VWA5B2: variants seen among roughly 807,000 people sequenced by gnomAD.
VWA5B2 encodes von Willebrand factor A domain containing 5B2.
Under a neutral mutation model 118.5 loss-of-function variants are expected in VWA5B2, and 93 were observed. The ratio of observed to expected loss-of-function variants is 0.79; its 90% CI spans 0.66 to 0.93. The LOEUF is 0.93. Among genes scored for constraint, VWA5B2 ranks in the 40% least tolerant of loss-of-function variants. VWA5B2 has a pLI of 0.00. For missense variants in VWA5B2, 1,546 were observed against 1,672.8 expected (o/e 0.92, Z 1.32); for synonymous variants, 708 against 716.3 (o/e 0.99, Z 0.19).
rs777592974 is a variant in VWA5B2 at position 184,241,406 on chromosome 3, TGAGGACTCGG to T, written c.3180+7_3180+16del. The T allele has an allele frequency of 5.1e-6, 8 of 1,580,298 alleles. No individual in the cohort carries two copies. ...AGCGACCATGACTACCTGCCCTTGG[TGAGGACTCGG>T]GAGGTGGAGGGTGGTGCCGCCGGGG... On this transcript the variant is annotated splice_donor_5th_base_variant and intron_variant, in intron 19 of 19. Transcript: ENST00000691901. The surrounding 1 kb of genome is among the most constrained non-coding windows in gnomAD (Gnocchi z 5.1).
chr3:184,236,801 G>C, intron 11 of VWA5B2, 52 bp downstream of exon 11: 1 of 1,408,568 alleles, frequency 7.1e-7, no homozygotes, highest in Non-Finnish European at 9.5e-7. Flanking sequence ...TTTCTCCCAA[G>C]TTACACATCA....
At chr3:184,232,884 T>C in intron 3 of VWA5B2, 1 of 481,888 alleles carries the variant, frequency 2.1e-6, no homozygotes, top group Non-Finnish European at 3.7e-6. Flanking sequence ...GCAGAGGGTG[T>C]GGGTATTCCC....
At position 184,237,461 on chromosome 3, in the gene VWA5B2, C is replaced by A; in HGVS notation, c.1719+50C>A. 1 of 1,502,620 alleles carries A rather than the reference C, an allele frequency of 6.7e-7. No individual in the cohort carries two copies. The highest frequency in any genetic ancestry group is 1.3e-5 in the South Asian group (1 of 79,784). The allele number at this position is 1,502,620 out of a possible 1,614,324, so 93.1% of individuals were successfully genotyped here. A position where few individuals can be genotyped will look rare whatever the true frequency, so the allele number is the denominator to read the frequency against. ...GGGGGGCTAGGGTGAGGTAGGGGGG[C>A]CTGGGATGGCTGAAGTCCCCGCATC... On this transcript the variant is annotated intron_variant, in intron 12 of 19. Coordinates refer to ENST00000691901, the MANE Select transcript of VWA5B2 (RefSeq NM_001390846.1). This position sits in a 1 kb window ranked among gnomAD's most constrained non-coding sequence, Gnocchi z 5.6.
Position 184,234,378 on chromosome 3 carries a change from G to GA in VWA5B2, c.802dup (p.Ile268AsnfsTer7). 3 of 1,551,802 alleles carry GA rather than the reference G, an allele frequency of 1.9e-6. No homozygotes were observed. The highest frequency in any genetic ancestry group is 2.6e-6 in the Non-Finnish European group (3 of 1,147,032). On this transcript the variant is annotated frameshift_variant, in exon 6 of 20. Transcript: ENST00000691901. LOFTEE classifies it high-confidence loss of function. ...GCCACCACTGTGACCGGGCCTTGGA[G>GA]ATCCTGCTGCACCCCAGTGGTGAGA...
Position 184,241,224 on chromosome 3 carries a change from G to T in VWA5B2, c.3000G>T (p.Ser1000=). The T allele has an allele frequency of 6.4e-7, 1 of 1,550,744 alleles. No homozygotes were observed. Among genetic ancestry groups the T allele is most frequent in the Non-Finnish European group, 8.7e-7 (1 of 1,146,594 alleles). Residue 1000 remains serine, a synonymous_variant, in exon 19 of 20, where the codon TCG becomes TCT. Coordinates refer to ENST00000691901, the MANE Select transcript of VWA5B2 (RefSeq NM_001390846.1). The surrounding 1 kb of genome is among the most constrained non-coding windows in gnomAD (Gnocchi z 5.1). ...GCTCTCCAGCAGGCGCCTGGGACTC[G>T]GACCAAAATGGCAACTCCAAGCGTG... is the stretch of plus-strand genomic sequence containing the variant. ...QRGSPAGAWD[S]DQNGNSKRAL...
rs2060969206 is a variant in VWA5B2 at position 184,229,691 on chromosome 3, A to G, written c.-172A>G. On this transcript the variant is annotated 5_prime_UTR_variant, in exon 1 of 20. Coordinates refer to ENST00000691901, the MANE Select transcript of VWA5B2 (RefSeq NM_001390846.1). ...ACCCACACGGATCCCGTGGGCACCT[A>G]GAACTCCGCGGAGGGCGCGACGGTG... is the stretch of plus-strand genomic sequence containing the variant. Among the ~76,000 whole-genome samples, 1 of 152,102 alleles carries G rather than the reference A, an allele frequency of 6.6e-6. No individual in the cohort carries two copies.
In VWA5B2 at chr3:184,230,494, C is replaced by T. The variant is rs1717267102; in HGVS notation, c.-35C>T. 7.0e-7 allele frequency: 1 copy of T among 1,425,144 alleles called. No individual in the cohort carries two copies. Among genetic ancestry groups the T allele is most frequent in the Non-Finnish European group, 9.1e-7 (1 of 1,099,940 alleles). 88.3% of individuals were successfully genotyped at this position (1,425,144 alleles called of 1,614,324 possible). On this transcript the variant is annotated 5_prime_UTR_variant, in exon 2 of 20. Transcript: ENST00000691901. Reference sequence around the variant, plus strand: ...TCCCGTCACCCTGCGCCCAGCTTCCCCGGCCCGTTCCCGCAGGGCCGGCCT... The same window carrying T: ...TCCCGTCACCCTGCGCCCAGCTTCCTCGGCCCGTTCCCGCAGGGCCGGCCT...
intron 8 of VWA5B2, among the ~76,000 whole-genome samples, chr3:184,235,901 C>T (rs575457331): frequency 1.2e-4 from 18 of 151,454 alleles, no homozygotes; most frequent in African/African-American, 4.1e-4. Context: ...TGTATACCTC[C>T]AGAGTCCCAC....
Position 184,236,716 on chromosome 3 carries a change from C to T in VWA5B2, c.1500C>T (p.Tyr500=). 1 of 1,548,320 alleles carries T rather than the reference C, an allele frequency of 6.5e-7. No individual in the cohort carries two copies. The highest frequency in any genetic ancestry group is 8.7e-7 in the Non-Finnish European group (1 of 1,144,522). ...CTGCCCTCAGCAGAGGCCAGGCCTA[C>T]TTCCTGAGGCCTGGGCAGAGGCTGC... ...GLSALSRGQA[Y]FLRPGQRLQP... is the part of the protein sequence containing the mutation. The change falls in exon 11 of 20, where the codon TAC becomes TAT. Residue 500 remains tyrosine (Y), a synonymous_variant. Transcript: ENST00000691901.
Position 184,240,856 on chromosome 3 carries a change from T to A in VWA5B2, c.2806T>A (p.Phe936Ile). ...TSKVSSAPSC[F>I]TCPVAVDATT... ...TAAGGTCAGCTCTGCCCCCTCCTGC[T>A]TCACTTGCCCTGTAGCTGTGGATGC... The change falls in exon 17 of 20, where the codon TTC (phenylalanine) becomes ATC (isoleucine). Residue 936 changes from phenylalanine (F) to isoleucine (I), a missense_variant. This residue lies in a region of VWA5B2 where 763 missense variants were observed against 766.6 expected (regional missense o/e 1.00). Transcript: ENST00000691901. 1.9e-6 allele frequency: 3 copies of A among 1,551,672 alleles called. No individual in the cohort carries two copies. Among genetic ancestry groups the A allele is most frequent in the Non-Finnish European group, 2.6e-6 (3 of 1,146,948 alleles).
In VWA5B2 at chr3:184,237,075, C is replaced by G; in HGVS notation, c.1534-151C>G. The stretch of plus-strand genomic sequence containing the variant: ...ACTCAGCCCCCTGCTTGCTCCTACC[C>G]TCATTCCTTCTCCTGACCCCAGCCT... On this transcript the variant is annotated intron_variant, in intron 11 of 19. Transcript: ENST00000691901. The surrounding 1 kb of genome is among the most constrained non-coding windows in gnomAD (Gnocchi z 5.6). 1.2e-6 allele frequency: 1 copy of G among 867,634 alleles called. No individual in the cohort carries two copies. Among genetic ancestry groups the G allele is most frequent in the Admixed American group, 2.6e-5 (1 of 38,068 alleles). 53.7% of individuals were successfully genotyped at this position (867,634 alleles called of 1,614,324 possible). A position where few individuals can be genotyped will look rare whatever the true frequency, so the allele number is the denominator to read the frequency against.
Position 184,230,513 on chromosome 3 carries a change from C to G in VWA5B2, c.-16C>G. ...GCTTCCCCGGCCCGTTCCCGCAGGG[C>G]CGGCCTCCCGGCGCCATGCCCGGCC... is the stretch of plus-strand genomic sequence containing the variant. On this transcript the variant is annotated 5_prime_UTR_variant, in exon 2 of 20. Transcript: ENST00000691901. 2.1e-6 allele frequency: 3 copies of G among 1,449,884 alleles called. No individual in the cohort carries two copies. The highest frequency in any genetic ancestry group is 2.7e-6 in the Non-Finnish European group (3 of 1,110,818). The allele number at this position is 1,449,884 out of a possible 1,614,324, so 89.8% of individuals were successfully genotyped here.
Position 184,241,048 on chromosome 3 carries a change from C to T in VWA5B2, c.2903C>T (p.Pro968Leu). 6.4e-7 allele frequency: 1 copy of T among 1,551,744 alleles called. No homozygotes were observed. Among genetic ancestry groups the T allele is most frequent in the South Asian group, 1.2e-5 (1 of 84,070 alleles). ...SSEPAEPPGT[P>L]PASHSHLDAA... The stretch of plus-strand genomic sequence containing the variant: ...GAGCCCGCTGAGCCCCCAGGAACCC[C>T]TCCTGCCTCTCACAGCCATCTAGAT... Residue 968 changes from proline to leucine, a missense_variant, in exon 18 of 20, where the codon CCT becomes CTT. Physicochemically the swap from Pro to Leu is moderately conservative, Grantham distance 98. Transcript: ENST00000691901. The surrounding 1 kb of genome is among the most constrained non-coding windows in gnomAD (Gnocchi z 5.1).
In VWA5B2 at chr3:184,236,451, G is replaced by T; in HGVS notation, c.1321G>T (p.Ala441Ser). The change falls in exon 10 of 20, where the codon GCC (alanine) becomes TCC (serine). Residue 441 changes from alanine to serine, a missense_variant. Transcript: ENST00000691901. ...DWAVGQPQHR[A>S]YPRQLFLLTA... ...GGCCGTGGGGCAGCCCCAGCACAGG[G>T]CCTACCCTCGGCAGCTGTTCCTGCT... is the stretch of plus-strand genomic sequence containing the variant. 1 of 1,546,674 alleles carries T rather than the reference G, an allele frequency of 6.5e-7. No homozygotes were observed.
chr3:184,236,141 G>T lies in VWA5B2; in HGVS notation c.1102-11G>T. ...GGCCGGCCTCACGCCGCCCTCCCTGGCCCTCCACAGGATGCCATTGTTTTG... is the reference window on the plus strand; with the variant it reads ...GGCCGGCCTCACGCCGCCCTCCCTGTCCCTCCACAGGATGCCATTGTTTTG... On this transcript the variant is annotated splice_polypyrimidine_tract_variant and intron_variant, in intron 8 of 19. Coordinates refer to ENST00000691901, the MANE Select transcript of VWA5B2 (RefSeq NM_001390846.1). 6.4e-7 allele frequency: 1 copy of T among 1,550,572 alleles called. No homozygotes were observed. The highest frequency in any genetic ancestry group is 8.7e-7 in the Non-Finnish European group (1 of 1,146,684).
Position 184,239,266 on chromosome 3 carries a change from C to A in VWA5B2, c.2203-128C>A. 1.8e-6 allele frequency: 2 copies of A among 1,095,474 alleles called. No individual in the cohort carries two copies. The highest frequency in any genetic ancestry group is 1.2e-6 in the Non-Finnish European group (1 of 806,552). The allele number at this position is 1,095,474 out of a possible 1,614,324, so 67.9% of individuals were successfully genotyped here. A position where few individuals can be genotyped will look rare whatever the true frequency, so the allele number is the denominator to read the frequency against. On this transcript the variant is annotated intron_variant, in intron 14 of 19. Coordinates refer to ENST00000691901, the MANE Select transcript of VWA5B2 (RefSeq NM_001390846.1). This position sits in a 1 kb window ranked among gnomAD's most constrained non-coding sequence, Gnocchi z 5.1. Reference sequence around the variant, plus strand: ...CACTGTAGGCCATAAGGAACTTGGCCTTCCTCCTCAAGCTGGTGAGCGGCC... The same window carrying A: ...CACTGTAGGCCATAAGGAACTTGGCATTCCTCCTCAAGCTGGTGAGCGGCC...
Position 184,230,503 on chromosome 3 carries a change from T to C in VWA5B2, c.-26T>C. 1 of 1,432,268 alleles carries C rather than the reference T, an allele frequency of 7.0e-7. No individual in the cohort carries two copies. The highest frequency in any genetic ancestry group is 9.1e-7 in the Non-Finnish European group (1 of 1,103,338). 88.7% of individuals were successfully genotyped at this position (1,432,268 alleles called of 1,614,324 possible). On this transcript the variant is annotated 5_prime_UTR_variant, in exon 2 of 20. Transcript: ENST00000691901. The stretch of plus-strand genomic sequence containing the variant: ...CCTGCGCCCAGCTTCCCCGGCCCGT[T>C]CCCGCAGGGCCGGCCTCCCGGCGCC...
At chr3:184,232,817 A>C in intron 3 of VWA5B2, 1 of 273,200 alleles carries the variant, frequency 3.7e-6, no homozygotes, top group East Asian at 9.2e-5. Flanking sequence ...GGAGATGTCT[A>C]TCCACAAGGG....
At chr3:184,240,967 CA>C (rs1718540313) in intron 17 of VWA5B2, 39 bp downstream of exon 17, 1 of 1,551,498 alleles carries the variant, frequency 6.4e-7, no homozygotes. Context: ...GTGCAGCTCT[CA>C]CCTCACTGGC....
Sources: allele counts gnomAD v4.1 joint callset (sites outside exome capture counted in the v4.1 genomes callset), GRCh38; gene constraint gnomAD v4.1.1; regional missense constraint gnomAD v4.1.1; non-coding constraint Gnocchi (gnomAD v3.1); transcripts MANE v1.5; gene names NCBI Gene and HGNC (gene_info 2026-07-23, HGNC 2026-07-21).